CRTC1: variants seen among roughly 807,000 people sequenced by gnomAD.
CRTC1 encodes CREB regulated transcription coactivator 1, also known as CREB-regulated transcription coactivator 1.
CRTC1 carries 18 observed loss-of-function variants against 66.1 expected under a neutral mutation model. That is an observed-to-expected ratio of 0.27 (90% CI 0.19 to 0.40). The LOEUF (loss-of-function observed/expected upper bound fraction) is 0.40. CRTC1 is among the 10% of genes least tolerant of loss of function. The pLI is 1.00. For synonymous variants in CRTC1, 416 were observed against 398.8 expected (o/e 1.04, Z -0.51); for missense variants, 669 against 887.9 (o/e 0.75, Z 3.13).
chr19:18,693,780 C>T (rs946178201), intron 1 of CRTC1, among the ~76,000 whole-genome samples: 6 of 151,818 alleles, frequency 4.0e-5, no homozygotes, highest in Middle Eastern at 3.4e-3. Flanking sequence ...ATTCCCGGCC[C>T]GCTTAACTCT....
chr19:18,694,165 G>A (rs1184071040), intron 1 of CRTC1, among the ~76,000 whole-genome samples: 1 of 151,150 alleles, frequency 6.6e-6, no homozygotes, highest in African/African-American at 2.4e-5. Context: ...GGCTGGCATG[G>A]TGGCTCATGC....
chr19:18,778,056 G>A lies in CRTC1; in HGVS notation c.*674G>A, dbSNP rs371124989. On this transcript the variant is annotated 3_prime_UTR_variant, in exon 14 of 14. Coordinates refer to ENST00000321949, the MANE Select transcript of CRTC1 (RefSeq NM_015321.3). ...GGCGGACCCCCCCACGACCCTCCTC[G>A]CCCTGTCTCCATCCCCTCGAAGCCC... 4 of 233,368 alleles carry A rather than the reference G, an allele frequency of 1.7e-5. No homozygotes were observed. Among genetic ancestry groups the A allele is most frequent in the East Asian group, 6.0e-5 (1 of 16,586 alleles). The allele number at this position is 233,368 out of a possible 1,614,324, so 14.5% of individuals were successfully genotyped here.
At position 18,737,168 on chromosome 19, in the gene CRTC1, T is replaced by C. The variant is rs370797343; in HGVS notation, c.127-5742T>C. ...CACAGACAGAGGCAGAGGTGGGCGTTCTCCAGGGCGAGGGTCCTGTCAGCA... is the reference window on the plus strand; with the variant it reads ...CACAGACAGAGGCAGAGGTGGGCGTCCTCCAGGGCGAGGGTCCTGTCAGCA... On this transcript the variant is annotated intron_variant, in intron 1 of 13. Coordinates refer to ENST00000321949, the MANE Select transcript of CRTC1 (RefSeq NM_015321.3). Among the ~76,000 whole-genome samples the C allele has an allele frequency of 1.0e-3, 152 of 150,806 alleles. 1 individual carries two copies. The highest frequency in any genetic ancestry group is 3.5e-3 in the African/African-American group (143 of 40,896).
intron 3 of CRTC1, among the ~76,000 whole-genome samples, chr19:18,746,809 C>T (rs2054249032): frequency 6.6e-6 from 1 of 152,198 alleles, no homozygotes. Context: ...CACGTGTGCT[C>T]ACGGAGCAGA....
At chr19:18,748,058 C>T (rs1392966983) in intron 4 of CRTC1, among the ~76,000 whole-genome samples, 2 of 152,208 alleles carry the variant, frequency 1.3e-5, no homozygotes, top group East Asian at 1.9e-4. Flanking sequence ...GCCTGGGCCA[C>T]AGAGCGAGAC....
intron 1 of CRTC1, among the ~76,000 whole-genome samples, chr19:18,711,145 A>C (rs1409586205): frequency 6.6e-6 from 1 of 152,090 alleles, no homozygotes; most frequent in African/African-American, 2.4e-5. Context: ...GCTTGGCCAC[A>C]TGCGGCATCC....
In CRTC1 at chr19:18,781,375, G is replaced by A. The variant is rs551189467; in HGVS notation, c.*3993G>A. 4.9e-4 allele frequency: 113 copies of A among 229,558 alleles called. No individual in the cohort carries two copies. The highest frequency in any genetic ancestry group is 2.4e-3 in the African/African-American group (108 of 45,194). The allele number at this position is 229,558 out of a possible 1,614,324, so 14.2% of individuals were successfully genotyped here. A position where few individuals can be genotyped will look rare whatever the true frequency, so the allele number is the denominator to read the frequency against. On this transcript the variant is annotated 3_prime_UTR_variant, in exon 14 of 14. Coordinates refer to ENST00000321949, the MANE Select transcript of CRTC1 (RefSeq NM_015321.3). ...GACCAGGGGCCTCCATTTCCTGGGG[G>A]CTCTTGCGGCATGTGATTTGGGGGT...
intron 1 of CRTC1, among the ~76,000 whole-genome samples, chr19:18,706,949 T>C (rs1195159048): frequency 3.9e-5 from 6 of 152,208 alleles, no homozygotes; most frequent in Non-Finnish European, 8.8e-5. Context: ...TTATCATCTA[T>C]ATGATTCGCA....
At chr19:18,696,814 TGC>T (rs1257961040) in intron 1 of CRTC1, among the ~76,000 whole-genome samples, 1 of 134,460 alleles carries the variant, frequency 7.4e-6, no homozygotes, top group Non-Finnish European at 1.6e-5. Flanking sequence ...GCTGGAGGTG[TGC>T]CACTCACGGA....
At chr19:18,714,071 C>A (rs2053451345) in intron 1 of CRTC1, among the ~76,000 whole-genome samples, 1 of 152,194 alleles carries the variant, frequency 6.6e-6, no homozygotes. Context: ...CCAGGCCCCA[C>A]ACAAGCCCAT....
Position 18,753,000 on chromosome 19 carries a change from G to T in CRTC1, c.539-500G>T, listed in dbSNP as rs770304389. 3.1e-4 allele frequency among the ~76,000 whole-genome samples: 47 copies of T among 150,942 alleles called. No individual in the cohort carries two copies. The South Asian group carries it at 5.2e-3, about 17-fold the overall frequency. On this transcript the variant is annotated intron_variant, in intron 5 of 13. Coordinates refer to ENST00000321949, the MANE Select transcript of CRTC1 (RefSeq NM_015321.3). ...AAGCTGATAGGCGGGGCACGGTGGC[G>T]CACACCTGTAATCCCAGCACTTTGG...
chr19:18,731,387 G>A (rs954053602), intron 1 of CRTC1, among the ~76,000 whole-genome samples: 2 of 152,088 alleles, frequency 1.3e-5, no homozygotes, highest in Admixed American at 6.6e-5. Context: ...CTTTATTGCC[G>A]CTTGGCCCAC....
chr19:18,739,113 G>C lies in CRTC1; in HGVS notation c.127-3797G>C, dbSNP rs774234151. Among the ~76,000 whole-genome samples, 50 of 152,366 alleles carry C rather than the reference G, an allele frequency of 3.3e-4. 1 individual carries two copies. In the Middle Eastern group the frequency reaches 0.01, roughly 31 times the overall value. On this transcript the variant is annotated intron_variant, in intron 1 of 13. Transcript: ENST00000321949. ...TATCTGGCCCACAGGCCATGAGTGA[G>C]GGGCGCCCTGGGAGCTGCAGTTTTC...
Position 18,779,787 on chromosome 19 carries a change from G to C in CRTC1, c.*2405G>C, listed in dbSNP as rs1474406782. ...GACATTGTGTTAACGTGACGACCTT[G>C]GTCCATTATGGAGTTCTTTTTCCAA... On this transcript the variant is annotated 3_prime_UTR_variant, in exon 14 of 14. Transcript: ENST00000321949. The C allele has an allele frequency of 1.3e-5, 3 of 223,614 alleles. No homozygotes were observed. The highest frequency in any genetic ancestry group is 2.7e-5 in the Non-Finnish European group (3 of 112,186). The allele number at this position is 223,614 out of a possible 1,614,324, so 13.9% of individuals were successfully genotyped here.
chr19:18,767,040 C>T (rs965377187), intron 9 of CRTC1, among the ~76,000 whole-genome samples: 6 of 152,114 alleles, frequency 3.9e-5, no homozygotes, highest in Admixed American at 6.5e-5. Context: ...AATCTCATCT[C>T]CTTCTTATAA....
chr19:18,697,530 C>G (rs550405521), intron 1 of CRTC1, among the ~76,000 whole-genome samples: 5 of 152,286 alleles, frequency 3.3e-5, no homozygotes, highest in Non-Finnish European at 5.9e-5. Context: ...GGCTGGTCTC[C>G]AACTTCTGAC....
chr19:18,701,981 T>C (rs976282873), intron 1 of CRTC1, among the ~76,000 whole-genome samples: 5 of 144,588 alleles, frequency 3.5e-5, no homozygotes, highest in Admixed American at 1.4e-4. Context: ...TGGAATACAG[T>C]GGTGCAATCT....
rs531696838 is a variant in CRTC1, at chr19:18,760,313, C to T, written c.886+85C>T. On this transcript the variant is annotated intron_variant, in intron 8 of 13. Transcript: ENST00000321949. The surrounding 1 kb of genome is among the most constrained non-coding windows in gnomAD (Gnocchi z 6.2). The stretch of plus-strand genomic sequence containing the variant: ...TCTGCAGGATGACTTGGCAGAGTCC[C>T]GTTCCAAATACTAGGGCATGGGGGA... 8.5e-6 allele frequency: 10 copies of T among 1,175,856 alleles called. No individual in the cohort carries two copies. The highest frequency in any genetic ancestry group is 2.5e-4 in the Middle Eastern group (1 of 4,036). 72.8% of individuals were successfully genotyped at this position (1,175,856 alleles called of 1,614,324 possible).
intron 1 of CRTC1, among the ~76,000 whole-genome samples, chr19:18,740,469 C>G (rs2054087793): frequency 6.6e-6 from 1 of 152,188 alleles, no homozygotes; most frequent in South Asian, 2.1e-4. Flanking sequence ...CAACCTGTCT[C>G]TAGTCCCTCC....
Sources: allele counts gnomAD v4.1 joint callset (sites outside exome capture counted in the v4.1 genomes callset), GRCh38; gene constraint gnomAD v4.1.1; non-coding constraint Gnocchi (gnomAD v3.1); transcripts MANE v1.5; gene names NCBI Gene and HGNC (gene_info 2026-07-23, HGNC 2026-07-21).